The following AGAP1 variants were observed in gnomAD, a reference collection of about 807,000 sequenced individuals.
AGAP1 encodes the protein ArfGAP with GTPase domain, ankyrin repeat and PH domain 1.
A neutral mutation model predicts 105.3 loss-of-function variants in AGAP1; 29 were observed. The ratio of observed to expected loss-of-function variants is 0.28; its 90% CI spans 0.21 to 0.38. The LOEUF (loss-of-function observed/expected upper bound fraction) is 0.38. Among genes scored for constraint, AGAP1 ranks in the 10% least tolerant of loss-of-function variants. The probability of loss-of-function intolerance (pLI) is 1.00; values close to 1 mark genes in which losing one functional copy is unlikely to be tolerated. For synonymous variants in AGAP1, 509 were observed against 485.9 expected (o/e 1.05, Z -0.63); for missense variants, 998 against 1,165.1 (o/e 0.86, Z 2.09).
intron 5 of AGAP1, among the ~76,000 whole-genome samples, chr2:235,745,160 A>G (rs758418326): frequency 6.6e-6 from 1 of 152,150 alleles, no homozygotes; most frequent in Non-Finnish European, 1.5e-5. Context: ...AGTCAAATAC[A>G]TATATATATT....
In AGAP1 at chr2:235,837,324, T is replaced by A. The variant is rs188345909; in HGVS notation, c.1050+29993T>A. Among the ~76,000 whole-genome samples, 203 of 152,298 alleles carry A rather than the reference T, an allele frequency of 1.3e-3. 1 individual carries two copies. Among genetic ancestry groups the A allele is most frequent in the African/African-American group, 4.8e-3 (199 of 41,558 alleles). ...TTTGAAAGGTTTAGGCTAAATATGA[T>A]TAACAGCGGTTACATTAAAGTAATA... On this transcript the variant is annotated intron_variant, in intron 9 of 17. Coordinates refer to ENST00000304032, the MANE Select transcript of AGAP1 (RefSeq NM_001037131.3).
intron 8 of AGAP1, among the ~76,000 whole-genome samples, chr2:235,802,801 T>TGTG (rs77575751): frequency 0.74 from 99,931 of 134,224 alleles, 34,305 homozygotes; most frequent in South Asian, 0.85. Flanking sequence ...TGATGATGGT[T>TGTG]GTGGTGGTGG....
Position 235,744,815 on chromosome 2 carries a change from C to A in AGAP1, c.514C>A (p.Pro172Thr). The A allele has an allele frequency of 6.2e-7, 1 of 1,614,028 alleles. No homozygotes were observed. Among genetic ancestry groups the A allele is most frequent in the Non-Finnish European group, 8.5e-7 (1 of 1,180,028 alleles). The change falls in exon 5 of 18, where the codon CCT (proline) becomes ACT (threonine). Residue 172 changes from proline (P) to threonine (T), a missense_variant. Transcript: ENST00000304032. This position sits in a 1 kb window ranked among gnomAD's most constrained non-coding sequence, Gnocchi z 5.2. ...MANYRNTSEI[P>T]LVLVGTQDAI... ...CAACTATCGGAACACGAGCGAGATT[C>A]CTCTGGTTCTGGTGGGAACCCAGGG...
chr2:235,749,849 A>G (rs1953284916), intron 5 of AGAP1, among the ~76,000 whole-genome samples: 2 of 152,200 alleles, frequency 1.3e-5, no homozygotes, highest in African/African-American at 4.8e-5. Flanking sequence ...GAGAGTGCAG[A>G]TTGTGTCTGT....
chr2:235,783,591 C>G (rs1009543553), intron 6 of AGAP1, among the ~76,000 whole-genome samples: 2 of 152,084 alleles, frequency 1.3e-5, no homozygotes, highest in African/African-American at 4.8e-5. Flanking sequence ...TATGGACGTA[C>G]CCACAAAACA....
rs13395626 is a variant in AGAP1, at chr2:235,911,635, G to A, written c.1324+2729G>A. ...AAACCGTACCATATCTGATGGAGTC[G>A]GCTGTGGCATGGGCCTTTCTCTTTG... On this transcript the variant is annotated intron_variant, in intron 11 of 17. Coordinates refer to ENST00000304032, the MANE Select transcript of AGAP1 (RefSeq NM_001037131.3). Among the ~76,000 whole-genome samples the A allele has an allele frequency of 7.9e-3, 1,199 of 152,332 alleles. 17 individuals are homozygous for A. Among genetic ancestry groups the A allele is most frequent in the African/African-American group, 0.027 (1,140 of 41,580 alleles).
rs769107211 is a variant in AGAP1 at position 236,130,359 on chromosome 2, G to GT, written c.*6238dup. 3 of 151,992 alleles carry GT rather than the reference G, an allele frequency of 2.0e-5. No individual in the cohort carries two copies. The highest frequency in any genetic ancestry group is 4.4e-5 in the Non-Finnish European group (3 of 68,012). The allele number at this position is 151,992 out of a possible 1,614,324, so 9.4% of individuals were successfully genotyped here. A position where few individuals can be genotyped will look rare whatever the true frequency, so the allele number is the denominator to read the frequency against. ...ACATCGGACTGATCTAGAATGCCCC[G>GT]TGGGGGGATTGCATGGCCTTTGCCT... On this transcript the variant is annotated 3_prime_UTR_variant, in exon 18 of 18. Coordinates refer to ENST00000304032, the MANE Select transcript of AGAP1 (RefSeq NM_001037131.3). This position sits in a 1 kb window ranked among gnomAD's most constrained non-coding sequence, Gnocchi z 5.8.
rs976524311 is a variant in AGAP1 at position 235,659,158 on chromosome 2, C to A, written c.164-50021C>A. 6.6e-6 allele frequency among the ~76,000 whole-genome samples: 1 copy of A among 152,226 alleles called. No homozygotes were observed. Reference sequence around the variant, plus strand: ...ATTCCCACACCCTGCCGAGTTTGTGCGTTTCTGTGAATCTGATGAGTGGGT... The same window carrying A: ...ATTCCCACACCCTGCCGAGTTTGTGAGTTTCTGTGAATCTGATGAGTGGGT... On this transcript the variant is annotated intron_variant, in intron 1 of 17. Coordinates refer to ENST00000304032, the MANE Select transcript of AGAP1 (RefSeq NM_001037131.3). The surrounding 1 kb of genome is among the most constrained non-coding windows in gnomAD (Gnocchi z 5.0).
chr2:235,656,519 C>T (rs2149332187), intron 1 of AGAP1, among the ~76,000 whole-genome samples: 1 of 152,324 alleles, frequency 6.6e-6, no homozygotes, highest in South Asian at 2.1e-4. Context: ...CTGCTACCTG[C>T]TCTGCCCTGA....
Position 235,908,791 on chromosome 2 carries a change from G to A in AGAP1, c.1209G>A (p.Val403=). The stretch of plus-strand genomic sequence containing the variant: ...AGATTGACCTTCTGAGAACCACTGT[G>A]AAAGTCCCAGGGAAGAGGCCACCCC... The part of the protein sequence containing the change: ...GKEIDLLRTT[V]KVPGKRPPRA... Residue 403 remains valine, a synonymous_variant, in exon 11 of 18, where the codon GTG becomes GTA. Coordinates refer to ENST00000304032, the MANE Select transcript of AGAP1 (RefSeq NM_001037131.3). This position sits in a 1 kb window ranked among gnomAD's most constrained non-coding sequence, Gnocchi z 4.4. The A allele has an allele frequency of 6.2e-7, 1 of 1,613,584 alleles. No individual in the cohort carries two copies.
In AGAP1 at chr2:235,898,607, A is replaced by T. The variant is rs114515248; in HGVS notation, c.1156-10131A>T. On this transcript the variant is annotated intron_variant, in intron 10 of 17. Transcript: ENST00000304032. ...TTTAGCCCAAGAAATTGCCACATAA[A>T]GTCAAAGGGAAAATAGTTCAGTATT... Among the ~76,000 whole-genome samples, 211 of 152,194 alleles carry T rather than the reference A, an allele frequency of 1.4e-3. 2 individuals are homozygous for T. The highest frequency in any genetic ancestry group is 4.9e-3 in the African/African-American group (202 of 41,534).
At chr2:235,995,057 C>T (rs1388213380) in intron 13 of AGAP1, among the ~76,000 whole-genome samples, 1 of 78,578 alleles carries the variant, frequency 1.3e-5, no homozygotes, top group Non-Finnish European at 2.1e-5. Context: ...CAGTACAAGA[C>T]TCTGTCTCAA....
chr2:236,003,614 C>A lies in AGAP1; in HGVS notation c.1646-32947C>A, dbSNP rs149999737. The stretch of plus-strand genomic sequence containing the variant: ...GTCCCACATCCAAGCTCCCTCCACC[C>A]CACACTCTCCCTTGGATTTGCGCCT... On this transcript the variant is annotated intron_variant, in intron 13 of 17. Transcript: ENST00000304032. The surrounding 1 kb of genome is among the most constrained non-coding windows in gnomAD (Gnocchi z 4.2). 2.0e-5 allele frequency among the ~76,000 whole-genome samples: 3 copies of A among 152,202 alleles called. No individual in the cohort carries two copies. Among genetic ancestry groups the A allele is most frequent in the Admixed American group, 2.0e-4 (3 of 15,280 alleles).
intron 11 of AGAP1, among the ~76,000 whole-genome samples, chr2:235,929,426 A>G (rs562781934): frequency 1.3e-5 from 2 of 152,160 alleles, no homozygotes; most frequent in Admixed American, 1.3e-4. Context: ...GGAATCAAGC[A>G]GACCTGCCTA....
rs2049048864 is a variant in AGAP1 at position 235,864,101 on chromosome 2, C to T, written c.1051-19244C>T. On this transcript the variant is annotated intron_variant, in intron 9 of 17. Coordinates refer to ENST00000304032, the MANE Select transcript of AGAP1 (RefSeq NM_001037131.3). This position sits in a 1 kb window ranked among gnomAD's most constrained non-coding sequence, Gnocchi z 5.0. ...CTTGAATGCGCAAGCGGGCCGTTCC[C>T]ACGTGATTTAATAAACAGTTGCTGT... 2.0e-5 allele frequency among the ~76,000 whole-genome samples: 3 copies of T among 152,196 alleles called. No individual in the cohort carries two copies.
intron 1 of AGAP1, among the ~76,000 whole-genome samples, chr2:235,544,218 G>C (rs563487202): frequency 1.3e-5 from 2 of 152,304 alleles, no homozygotes; most frequent in South Asian, 4.1e-4. Context: ...TGGTTTTCAG[G>C]AGGGGTCTCT....
At chr2:235,646,663 C>G (rs1341830865) in intron 1 of AGAP1, among the ~76,000 whole-genome samples, 2 of 152,224 alleles carry the variant, frequency 1.3e-5, no homozygotes, top group Non-Finnish European at 1.5e-5. Flanking sequence ...TCTCTGACTT[C>G]TCCATCTTTC....
intron 9 of AGAP1, among the ~76,000 whole-genome samples, chr2:235,844,309 C>G (rs1198953494): frequency 6.6e-6 from 1 of 152,174 alleles, no homozygotes; most frequent in Non-Finnish European, 1.5e-5. Flanking sequence ...GGGCAAGGGT[C>G]TGGGTGAACA....
chr2:235,650,312 A>G (rs1286308609), intron 1 of AGAP1, among the ~76,000 whole-genome samples: 2 of 152,178 alleles, frequency 1.3e-5, no homozygotes, highest in Non-Finnish European at 2.9e-5. Flanking sequence ...CAATGAGCCG[A>G]GATTGTGCCA....
Sources: allele counts gnomAD v4.1 joint callset (sites outside exome capture counted in the v4.1 genomes callset), GRCh38; gene constraint gnomAD v4.1.1; non-coding constraint Gnocchi (gnomAD v3.1); transcripts MANE v1.5; gene names NCBI Gene and HGNC (gene_info 2026-07-23, HGNC 2026-07-21).